The following GNS variants were observed in gnomAD, a reference collection of about 807,000 sequenced individuals.
The protein encoded by GNS is N-acetylglucosamine-6-sulfatase.
Under a neutral mutation model 69.7 loss-of-function variants are expected in GNS, and 40 were observed. That is an observed-to-expected ratio of 0.57 (90% CI 0.45 to 0.75). The LOEUF is 0.75. Ranked by LOEUF, GNS falls within the 30% of genes least tolerant of loss-of-function variation. The probability of loss-of-function intolerance (pLI) is 0.00; values close to 1 mark genes in which losing one functional copy is unlikely to be tolerated. For missense variants in GNS, 565 were observed against 685.5 expected (o/e 0.82, Z 1.96); for synonymous variants, 243 against 251.6 (o/e 0.97, Z 0.32).
At chr12:64,737,170 T>TC in intron 8 of GNS, 63 bp from the exon 9 acceptor site, 1 of 898,146 alleles carries the variant, frequency 1.1e-6, no homozygotes, top group South Asian at 1.3e-5. Flanking sequence ...ATGTTATGTT[T>TC]CACTCATTTA....
intron 10 of GNS, among the ~76,000 whole-genome samples, chr12:64,726,986 C>T (rs1341544502): frequency 6.6e-6 from 1 of 150,956 alleles, no homozygotes; most frequent in Non-Finnish European, 1.5e-5. Context: ...AGAAGCTATA[C>T]AAATGGCTGA....
chr12:64,720,262 A>T, intron 12 of GNS, 80 bp from the exon 13 acceptor site: 1 of 950,930 alleles, frequency 1.1e-6, no homozygotes, highest in African/African-American at 1.6e-5. Flanking sequence ...ACTTATTTCT[A>T]AAGGGGAAGG....
At chr12:64,732,109 C>G (rs563394900) in intron 9 of GNS, among the ~76,000 whole-genome samples, 3 of 150,354 alleles carry the variant, frequency 2.0e-5, no homozygotes, top group South Asian at 4.2e-4. Context: ...GCTTCAGCCT[C>G]CCAAGTAGTT....
Position 64,721,575 on chromosome 12 carries a change from C to T in GNS, c.1419+20G>A, listed in dbSNP as rs185701650. 2.2e-5 allele frequency: 24 copies of T among 1,105,010 alleles called. No individual in the cohort carries two copies. Among genetic ancestry groups the T allele is most frequent in the Non-Finnish European group, 3.2e-5 (23 of 714,480 alleles). 68.5% of individuals were successfully genotyped at this position (1,105,010 alleles called of 1,614,324 possible). A position where few individuals can be genotyped will look rare whatever the true frequency, so the allele number is the denominator to read the frequency against. On this transcript the variant is annotated intron_variant, in intron 12 of 13. Transcript: ENST00000258145. ...CAGCAAGAAAGGAGCGGGGGAAGTG[C>T]AGGCAGAAGTCCCTCTTACCTCCTG...
At position 64,720,321 on chromosome 12, in the gene GNS, A is replaced by G. The variant is rs186842535; in HGVS notation, c.1420-139T>C. ...AAAATCAAGGCCCTGGAGACTCTCA[A>G]TCTGTTTTCAAGATCCTCAAAGAGC... On this transcript the variant is annotated intron_variant, in intron 12 of 13. Coordinates refer to ENST00000258145, the MANE Select transcript of GNS (RefSeq NM_002076.4). 1.6e-4 allele frequency: 111 copies of G among 681,916 alleles called. 2 individuals are homozygous for G. Among genetic ancestry groups the G allele is most frequent in the South Asian group, 1.6e-3 (99 of 62,286 alleles). 42.2% of individuals were successfully genotyped at this position (681,916 alleles called of 1,614,324 possible). A position where few individuals can be genotyped will look rare whatever the true frequency, so the allele number is the denominator to read the frequency against.
intron 9 of GNS, among the ~76,000 whole-genome samples, chr12:64,729,837 CTG>C (rs1869326170): frequency 6.6e-6 from 1 of 152,146 alleles, no homozygotes. Flanking sequence ...ACAGGTAAAA[CTG>C]TATATATTTT....
At chr12:64,720,301 C>A in intron 12 of GNS, 119 bp from the exon 13 acceptor site, 2 of 719,864 alleles carry the variant, frequency 2.8e-6, no homozygotes. Flanking sequence ...AAAAAAAAAT[C>A]AAGGCCCTGG....
chr12:64,758,309 CTTTTTTTTTTTTTT>C (rs139394351), intron 1 of GNS, among the ~76,000 whole-genome samples: 44 of 67,412 alleles, frequency 6.5e-4, no homozygotes, highest in Middle Eastern at 0.012. Flanking sequence ...CACTTCAGGC[CTTTTTTTTTTTTTT>C]TTTTTTTTTT....
At chr12:64,733,353 A>G (rs1303938848) in intron 9 of GNS, among the ~76,000 whole-genome samples, 1 of 150,316 alleles carries the variant, frequency 6.7e-6, no homozygotes, top group Non-Finnish European at 1.5e-5. Context: ...ATCAAAGGGT[A>G]TCATGCATTG....
intron 10 of GNS, among the ~76,000 whole-genome samples, chr12:64,724,026 A>T (rs1456229232): frequency 6.6e-6 from 1 of 152,204 alleles, no homozygotes; most frequent in Non-Finnish European, 1.5e-5. Context: ...AGTATTCATA[A>T]CAGTCAAAAA....
At chr12:64,718,499 T>C (rs1348092014) in intron 13 of GNS, among the ~76,000 whole-genome samples, 1 of 152,274 alleles carries the variant, frequency 6.6e-6, no homozygotes, top group Non-Finnish European at 1.5e-5. Flanking sequence ...ATTTGAAATT[T>C]ACCTGTTTGG....
In GNS at chr12:64,749,089, G is replaced by A. The variant is rs531427093; in HGVS notation, c.253-1171C>T. Among the ~76,000 whole-genome samples, 48 of 150,906 alleles carry A rather than the reference G, an allele frequency of 3.2e-4. No homozygotes were observed. In the South Asian group the frequency reaches 8.8e-3, roughly 28 times the overall value. On this transcript the variant is annotated intron_variant, in intron 2 of 13. Coordinates refer to ENST00000258145, the MANE Select transcript of GNS (RefSeq NM_002076.4). ...CAAGTAGCTGGGACTACAGGCACCC[G>A]CCACCATGCCTGGCTAATTTTTTGT...
chr12:64,744,979 C>T, intron 4 of GNS, 72 bp from the exon 5 acceptor site: 2 of 758,340 alleles, frequency 2.6e-6, no homozygotes, highest in Admixed American at 3.6e-5. Context: ...CCGTGCTGGG[C>T]TAAACTCTAC....
intron 10 of GNS, among the ~76,000 whole-genome samples, chr12:64,728,113 C>A (rs1431306483): frequency 1.3e-5 from 2 of 152,038 alleles, no homozygotes; most frequent in Admixed American, 6.6e-5. Context: ...TTAGTAGAGA[C>A]AGAGGTTCAC....
At chr12:64,757,414 A>G (rs1870285761) in intron 1 of GNS, among the ~76,000 whole-genome samples, 1 of 152,146 alleles carries the variant, frequency 6.6e-6, no homozygotes, top group Non-Finnish European at 1.5e-5. Context: ...TCAAGGACAC[A>G]TTTTCTTTTT....
At chr12:64,731,858 C>T (rs1869401294) in intron 9 of GNS, among the ~76,000 whole-genome samples, 1 of 152,146 alleles carries the variant, frequency 6.6e-6, no homozygotes, top group Non-Finnish European at 1.5e-5. Flanking sequence ...ATCACTTGAG[C>T]TCAGGAGGCC....
intron 6 of GNS, among the ~76,000 whole-genome samples, chr12:64,741,726 TTC>T (rs1238415504): frequency 6.6e-6 from 1 of 152,120 alleles, no homozygotes; most frequent in Non-Finnish European, 1.5e-5. Context: ...CTATATACTA[TTC>T]TCTCTTCTCT....
Position 64,739,467 on chromosome 12 carries a change from A to G in GNS, c.908T>C (p.Val303Ala). The change falls in exon 8 of 14, where the codon GTG becomes GCG. Residue 303 changes from valine (V) to alanine (A), a missense_variant. Physicochemically the swap from Val to Ala is moderately conservative, Grantham distance 64. Coordinates refer to ENST00000258145, the MANE Select transcript of GNS (RefSeq NM_002076.4). Reference protein sequence around the residue: ...WQTLLSVDDLVEKLVKRLEFT... With the variant: ...WQTLLSVDDLAEKLVKRLEFT... ...CTCCAGCCTCTTGACCAGTTTCTCC[A>G]CAAGGTCATCAACTGAGAGGAGAGT... 6.2e-7 allele frequency: 1 copy of G among 1,604,918 alleles called. No homozygotes were observed. The highest frequency in any genetic ancestry group is 1.3e-5 in the African/African-American group (1 of 74,692).
At chr12:64,754,478 G>A (rs1265001994) in intron 1 of GNS, among the ~76,000 whole-genome samples, 2 of 152,150 alleles carry the variant, frequency 1.3e-5, no homozygotes, top group African/African-American at 2.4e-5. Context: ...AGAGGCACCT[G>A]GGAGGAAACA....
Sources: gnomAD v4.1 joint callset for allele counts (sites outside exome capture counted in the v4.1 genomes callset) on GRCh38, gnomAD v4.1.1 for gene constraint, MANE v1.5 for transcripts, NCBI Gene and HGNC (gene_info 2026-07-23, HGNC 2026-07-21) for gene names.